The following ALDH8A1 variants were observed in gnomAD, a reference collection of about 807,000 sequenced individuals.
The protein encoded by ALDH8A1 is aldehyde dehydrogenase 8 family member A1.
A neutral mutation model predicts 43.3 loss-of-function variants in ALDH8A1; 39 were observed. That is an observed-to-expected ratio of 0.90 (90% CI 0.70 to 1.18). The LOEUF is 1.18. Among genes scored for constraint, ALDH8A1 ranks in the 50% most tolerant of loss-of-function variants. The pLI, the probability that ALDH8A1 is intolerant of heterozygous loss-of-function variation, is 0.00. For missense variants in ALDH8A1, 605 were observed against 622.6 expected, an observed-to-expected ratio of 0.97 and a Z score of 0.30; for synonymous variants, 233 against 243.5, an observed-to-expected ratio of 0.96 and a Z score of 0.40.
intron 4 of ALDH8A1, 125 bp from the exon 5 acceptor site, chr6:134,933,157 G>T: frequency 1.7e-6 from 2 of 1,143,122 alleles, no homozygotes; most frequent in Admixed American, 3.2e-5. Flanking sequence ...GAAGCACTTG[G>T]GTTTTACAAC....
At chr6:134,926,473 T>A (rs954546170) in intron 6 of ALDH8A1, among the ~76,000 whole-genome samples, 21 of 151,616 alleles carry the variant, frequency 1.4e-4, no homozygotes, top group Non-Finnish European at 5.9e-5. Flanking sequence ...ACTGCTGAGA[T>A]TACAGGCATA....
rs538167931 is a variant in ALDH8A1, at chr6:134,943,296, T to C, written c.286+523A>G. ...ACTCTTGGCTTATCTTAACAGATATTCTTGCAAAAATTTACAAATATTTAC... is the reference window on the plus strand; with the variant it reads ...ACTCTTGGCTTATCTTAACAGATATCCTTGCAAAAATTTACAAATATTTAC... On this transcript the variant is annotated intron_variant, in intron 2 of 6. Transcript: ENST00000265605. Among the ~76,000 whole-genome samples the C allele has an allele frequency of 4.6e-5, 7 of 152,330 alleles. No homozygotes were observed. In the East Asian group the frequency reaches 9.6e-4, roughly 21 times the overall value.
intron 6 of ALDH8A1, among the ~76,000 whole-genome samples, chr6:134,927,138 T>G (rs1403131471): frequency 2.6e-5 from 4 of 152,108 alleles, no homozygotes; most frequent in African/African-American, 9.7e-5. Context: ...CTGGAGTAGT[T>G]TTAAAGGTGA....
chr6:134,929,411 C>T (rs1239503962), intron 5 of ALDH8A1, among the ~76,000 whole-genome samples, 196 bp from the exon 6 acceptor site: 1 of 152,040 alleles, frequency 6.6e-6, no homozygotes, highest in East Asian at 1.9e-4. Context: ...TAAATAAACT[C>T]GATAAATAAT....
At chr6:134,925,196 C>T (rs1776863480) in intron 6 of ALDH8A1, among the ~76,000 whole-genome samples, 1 of 151,872 alleles carries the variant, frequency 6.6e-6, no homozygotes. Context: ...AACTAGATAC[C>T]AAAACTACTT....
chr6:134,923,631 C>T (rs897388643), intron 6 of ALDH8A1, among the ~76,000 whole-genome samples: 1 of 152,170 alleles, frequency 6.6e-6, no homozygotes, highest in African/African-American at 2.4e-5. Flanking sequence ...GATTTAGATA[C>T]GTCCAGGAGA....
intron 4 of ALDH8A1, among the ~76,000 whole-genome samples, chr6:134,936,322 C>T (rs1183738231): frequency 6.6e-6 from 1 of 152,190 alleles, no homozygotes; most frequent in African/African-American, 2.4e-5. Context: ...TTAGGTCAGT[C>T]CTGGATTGTA....
rs753948428 is a variant in ALDH8A1, at chr6:134,942,533, G to A, written c.318C>T (p.Asp106=). The A allele has an allele frequency of 1.2e-6, 2 of 1,614,078 alleles. No homozygotes were observed. Among genetic ancestry groups the A allele is most frequent in the East Asian group, 2.2e-5 (1 of 44,894 alleles). The change falls in exon 3 of 7, where the codon GAC becomes GAT. Residue 106 remains aspartate, a synonymous_variant. Coordinates refer to ENST00000265605, the MANE Select transcript of ALDH8A1 (RefSeq NM_022568.4). ...TGAAGTTCTGCACAGACCGGGGAAT[G>A]TCCATGGTTCTTGCCAGTGCTAAGG... ...GKTLALARTM[D]IPRSVQNFRF...
At chr6:134,948,250 A>G (rs1331854130) in intron 1 of ALDH8A1, among the ~76,000 whole-genome samples, 1 of 152,192 alleles carries the variant, frequency 6.6e-6, no homozygotes, top group East Asian at 1.9e-4. Flanking sequence ...GAGGCTGGGA[A>G]GGGTAGAGGA....
intron 6 of ALDH8A1, among the ~76,000 whole-genome samples, chr6:134,921,263 G>C (rs1020370764): frequency 6.6e-6 from 1 of 152,070 alleles, no homozygotes; most frequent in East Asian, 1.9e-4. Flanking sequence ...CCCTAGCAGG[G>C]GATGCACCCA....
At chr6:134,930,451 A>C (rs1240890548) in intron 5 of ALDH8A1, among the ~76,000 whole-genome samples, 2 of 152,236 alleles carry the variant, frequency 1.3e-5, no homozygotes, top group Non-Finnish European at 2.9e-5. Flanking sequence ...AGACTTTCAA[A>C]GCATTATTTA....
intron 1 of ALDH8A1, among the ~76,000 whole-genome samples, chr6:134,946,231 C>T (rs1773947025): frequency 6.6e-6 from 1 of 152,176 alleles, no homozygotes; most frequent in Non-Finnish European, 1.5e-5. Flanking sequence ...ATGGTGGCTT[C>T]ACCTCAAAAA....
intron 5 of ALDH8A1, among the ~76,000 whole-genome samples, chr6:134,929,793 C>T (rs556155297): frequency 7.2e-4 from 109 of 152,124 alleles, no homozygotes; most frequent in Admixed American, 6.9e-3. Context: ...AAAGAGATTA[C>T]GTTTTATTCT....
intron 4 of ALDH8A1, among the ~76,000 whole-genome samples, chr6:134,936,037 C>T (rs1429613584): frequency 4.6e-5 from 7 of 152,010 alleles, no homozygotes; most frequent in Non-Finnish European, 8.8e-5. Context: ...CTGCAACCTC[C>T]GCCTCCTAGG....
intron 4 of ALDH8A1, among the ~76,000 whole-genome samples, chr6:134,938,927 G>A (rs1245051698): frequency 2.0e-5 from 3 of 152,108 alleles, no homozygotes; most frequent in Admixed American, 6.6e-5. Context: ...GATTACAGGC[G>A]TGAACCACCA....
Position 134,918,515 on chromosome 6 carries a change from A to G in ALDH8A1, c.1364T>C (p.Leu455Pro). 1 of 1,614,182 alleles carries G rather than the reference A, an allele frequency of 6.2e-7. No homozygotes were observed. The highest frequency in any genetic ancestry group is 1.3e-5 in the African/African-American group (1 of 75,050). The change falls in exon 7 of 7, where the codon CTT becomes CCT. Residue 455 changes from leucine to proline, a missense_variant. Transcript: ENST00000265605. ...AGAACTCTTCATCCCCCCGAAAGGA[A>G]GGTTCAGCTCCCTGATGAGCCAGCA... ...TNCWLIRELN[L>P]PFGGMKSSGI...
Position 134,949,936 on chromosome 6 carries a change from G to T in ALDH8A1, c.118C>A (p.Pro40Thr). 1 of 1,600,844 alleles carries T rather than the reference G, an allele frequency of 6.2e-7. No individual in the cohort carries two copies. Among genetic ancestry groups the T allele is most frequent in the Non-Finnish European group, 8.5e-7 (1 of 1,173,348 alleles). Residue 40 changes from proline to threonine, a missense_variant, in exon 1 of 7, where the codon CCA (proline) becomes ACA (threonine). Coordinates refer to ENST00000265605, the MANE Select transcript of ALDH8A1 (RefSeq NM_022568.4). The part of the protein sequence containing the change: ...PSTGEVYCRV[P>T]NSGKDEIEAA... ...CTCACCTCGTCTTTTCCACTATTTGGCACTCTGCAATACACTTCCCCTGTT... is the reference window on the plus strand; with the variant it reads ...CTCACCTCGTCTTTTCCACTATTTGTCACTCTGCAATACACTTCCCCTGTT...
In ALDH8A1 at chr6:134,939,249, C is replaced by A. The variant is rs779339434; in HGVS notation, c.592+17G>T. 4.3e-6 allele frequency: 7 copies of A among 1,613,064 alleles called. No homozygotes were observed. Among genetic ancestry groups the A allele is most frequent in the Middle Eastern group, 1.7e-4 (1 of 6,056 alleles). On this transcript the variant is annotated intron_variant, in intron 4 of 6. Transcript: ENST00000265605. Reference sequence around the variant, plus strand: ...CTCCAACTCTGTGCCTGCCCCCCAACCCCAACACCTAATTACCTGCTTTAT... The same window carrying A: ...CTCCAACTCTGTGCCTGCCCCCCAAACCCAACACCTAATTACCTGCTTTAT...
At chr6:134,937,951 G>A (rs565341932) in intron 4 of ALDH8A1, among the ~76,000 whole-genome samples, 5 of 152,118 alleles carry the variant, frequency 3.3e-5, no homozygotes, top group African/African-American at 2.4e-5. Flanking sequence ...CCCTGGGATC[G>A]TAAGGCCCAG....
Sources: allele counts gnomAD v4.1 joint callset (sites outside exome capture counted in the v4.1 genomes callset), GRCh38; gene constraint gnomAD v4.1.1; transcripts MANE v1.5; gene names NCBI Gene and HGNC (gene_info 2026-07-23, HGNC 2026-07-21).